The following TRPM6 variants were observed in gnomAD, a reference collection of about 807,000 sequenced individuals.
TRPM6 encodes transient receptor potential cation channel subfamily M member 6.
Under a neutral mutation model 247.6 loss-of-function variants are expected in TRPM6, and 111 were observed. The observed-to-expected ratio is 0.45, with a 90% CI of 0.38 to 0.52. The LOEUF is 0.52. Ranked by LOEUF, TRPM6 falls within the 20% of genes least tolerant of loss-of-function variation. The probability of loss-of-function intolerance (pLI) is 0.00; values close to 1 mark genes in which losing one functional copy is unlikely to be tolerated. For synonymous variants in TRPM6, 892 were observed against 853.8 expected (o/e 1.04, Z -0.78); for missense variants, 2,126 against 2,421.5 (o/e 0.88, Z 2.56).
chr9:74,724,878 C>T, intron 38 of TRPM6, 132 bp from the exon 39 acceptor site: 1 of 1,143,970 alleles, frequency 8.7e-7, no homozygotes, highest in Non-Finnish European at 1.3e-6. Context: ...ATATGTGGAA[C>T]TCAAACCCTC....
intron 25 of TRPM6, among the ~76,000 whole-genome samples, chr9:74,766,878 C>G (rs1826844172): frequency 6.6e-6 from 1 of 152,112 alleles, no homozygotes; most frequent in African/African-American, 2.4e-5. Context: ...CCATTGCACT[C>G]CAGCCTAGGC....
At chr9:74,887,554 A>G (rs945970147) in intron 1 of TRPM6, 6 of 1,420,824 alleles carry the variant, frequency 4.2e-6, no homozygotes, top group Non-Finnish European at 5.7e-6. Context: ...TTCCGCTCTG[A>G]CACCACCTCC....
At chr9:74,791,847 C>A (rs972159757) in intron 19 of TRPM6, among the ~76,000 whole-genome samples, 6 of 152,316 alleles carry the variant, frequency 3.9e-5, no homozygotes, top group Admixed American at 3.9e-4. Flanking sequence ...GCTCTGCCCC[C>A]TGGGGTTCTC....
At chr9:74,769,633 C>G (rs976378089) in intron 25 of TRPM6, among the ~76,000 whole-genome samples, 8 of 151,906 alleles carry the variant, frequency 5.3e-5, no homozygotes, top group Admixed American at 4.6e-4. Context: ...TGGCACACAC[C>G]TGTAATCCCA....
intron 1 of TRPM6, among the ~76,000 whole-genome samples, chr9:74,886,432 G>A (rs1259353433): frequency 1.3e-5 from 2 of 151,998 alleles, no homozygotes; most frequent in African/African-American, 2.4e-5. Context: ...AACAATTAAA[G>A]GTGATCATTT....
chr9:74,884,654 T>G (rs191103226), intron 1 of TRPM6, among the ~76,000 whole-genome samples: 1 of 152,352 alleles, frequency 6.6e-6, no homozygotes, highest in Admixed American at 6.5e-5. Context: ...TTTGGATTTC[T>G]ATTTGTAGTA....
chr9:74,749,519 G>A (rs1193859784), intron 30 of TRPM6, among the ~76,000 whole-genome samples: 1 of 152,168 alleles, frequency 6.6e-6, no homozygotes, highest in Non-Finnish European at 1.5e-5. Context: ...GCCTACAAAT[G>A]AGTCTGTGAA....
At chr9:74,825,490 T>G (rs1243673029) in intron 7 of TRPM6, among the ~76,000 whole-genome samples, 3 of 151,972 alleles carry the variant, frequency 2.0e-5, no homozygotes, top group Non-Finnish European at 4.4e-5. Context: ...TGTGTATGTG[T>G]GTGTGTATAG....
At chr9:74,786,871 C>T (rs1220474233) in intron 20 of TRPM6, among the ~76,000 whole-genome samples, 1 of 152,176 alleles carries the variant, frequency 6.6e-6, no homozygotes, top group Non-Finnish European at 1.5e-5. Flanking sequence ...AGTCCGACTA[C>T]TGCTATTTAG....
chr9:74,854,580 C>G (rs1830463516), intron 3 of TRPM6, among the ~76,000 whole-genome samples: 1 of 152,120 alleles, frequency 6.6e-6, no homozygotes, highest in Non-Finnish European at 1.5e-5. Flanking sequence ...CTCCAGCAAC[C>G]TCCTCCTTCT....
intron 6 of TRPM6, among the ~76,000 whole-genome samples, chr9:74,829,839 G>A (rs1829483174): frequency 6.6e-6 from 1 of 152,084 alleles, no homozygotes; most frequent in Non-Finnish European, 1.5e-5. Flanking sequence ...GATCTTTCAA[G>A]GCTAGACACA....
intron 1 of TRPM6, among the ~76,000 whole-genome samples, chr9:74,872,176 G>A (rs1831048943): frequency 1.3e-5 from 2 of 151,996 alleles, no homozygotes; most frequent in South Asian, 4.1e-4. Flanking sequence ...AATAGTGACA[G>A]GGTCTTGTTA....
chr9:74,843,605 G>A lies in TRPM6; in HGVS notation c.153-1262C>T, dbSNP rs180939987. 3.2e-4 allele frequency among the ~76,000 whole-genome samples: 48 copies of A among 151,652 alleles called. No individual in the cohort carries two copies. The Middle Eastern group carries it at 0.01, about 32-fold the overall frequency. On this transcript the variant is annotated intron_variant, in intron 3 of 38. Coordinates refer to ENST00000360774, the MANE Select transcript of TRPM6 (RefSeq NM_017662.5). ...GGGTGGATCATGAGGTCAGGAGATC[G>A]AGACCATCCTGGCTAACGTGGTGAA...
intron 18 of TRPM6, among the ~76,000 whole-genome samples, chr9:74,794,650 A>G (rs1828025528): frequency 6.6e-6 from 1 of 152,180 alleles, no homozygotes; most frequent in South Asian, 2.1e-4. Context: ...TTATTTTTCT[A>G]GGAGTGTTTC....
intron 29 of TRPM6, among the ~76,000 whole-genome samples, chr9:74,752,058 G>C (rs1587468814): frequency 6.6e-6 from 1 of 152,164 alleles, no homozygotes; most frequent in Non-Finnish European, 1.5e-5. Context: ...TGAGTGGATA[G>C]GTAAATTGCA....
rs748359059 is a variant in TRPM6 at position 74,820,330 on chromosome 9, T to A, written c.1108A>T (p.Met370Leu). 1.2e-5 allele frequency: 20 copies of A among 1,613,884 alleles called. No individual in the cohort carries two copies. The highest frequency in any genetic ancestry group is 4.0e-5 in the African/African-American group (3 of 74,896). ...CAATCCCTGTGAACCATACACTCCATTAGAATTTGGAAAAGGTGCTTGGAC... is the reference window on the plus strand; with the variant it reads ...CAATCCCTGTGAACCATACACTCCAATAGAATTTGGAAAAGGTGCTTGGAC... ...KQSKHLFQIL[M>L]ECMVHRDCIT... Residue 370 changes from methionine (M) to leucine (L), a missense_variant, in exon 9 of 39, where the codon ATG becomes TTG. Physicochemically the swap from Met to Leu is conservative, Grantham distance 15. This residue lies in a region of TRPM6 where 1,082 missense variants were observed against 1,307.9 expected (regional missense o/e 0.83). Transcript: ENST00000360774.
chr9:74,779,078 A>T (rs1374542124), intron 23 of TRPM6, among the ~76,000 whole-genome samples: 1 of 152,142 alleles, frequency 6.6e-6, no homozygotes, highest in African/African-American at 2.4e-5. Flanking sequence ...ATCTCAGACT[A>T]CCAGCCTGGG....
chr9:74,771,696 C>A lies in TRPM6; in HGVS notation c.3536+7G>T. On this transcript the variant is annotated splice_region_variant and intron_variant, in intron 25 of 38. Coordinates refer to ENST00000360774, the MANE Select transcript of TRPM6 (RefSeq NM_017662.5). ...GTTTCAGAATGGAAAAGATTTATAT[C>A]TTTTACCTTTCTGATGTCACTCGGA... 1 of 1,613,126 alleles carries A rather than the reference C, an allele frequency of 6.2e-7. No homozygotes were observed.
intron 9 of TRPM6, among the ~76,000 whole-genome samples, chr9:74,817,928 T>A (rs1444879226): frequency 6.6e-6 from 1 of 152,192 alleles, no homozygotes; most frequent in South Asian, 2.1e-4. Flanking sequence ...AGGCTCCTCA[T>A]CCATAAAATG....
Sources: allele counts gnomAD v4.1 joint callset (sites outside exome capture counted in the v4.1 genomes callset), GRCh38; gene constraint gnomAD v4.1.1; regional missense constraint gnomAD v4.1.1; transcripts MANE v1.5; gene names NCBI Gene and HGNC (gene_info 2026-07-23, HGNC 2026-07-21).